The following HMCN1 variants were observed in gnomAD, a reference collection of about 807,000 sequenced individuals.
HMCN1 encodes hemicentin-1.
Under a neutral mutation model 625.9 loss-of-function variants are expected in HMCN1, and 321 were observed. The ratio of observed to expected loss-of-function variants is 0.51; its 90% CI spans 0.47 to 0.56. HMCN1 has a LOEUF of 0.56. Among genes scored for constraint, HMCN1 ranks in the 20% least tolerant of loss-of-function variants. The pLI is 0.00. For missense variants in HMCN1, 6,588 were observed against 6,887.3 expected, an observed-to-expected ratio of 0.96 and a Z score of 1.54; for synonymous variants, 2,425 against 2,417.6, an observed-to-expected ratio of 1.00 and a Z score of -0.09.
At chr1:186,084,129 C>G (rs1299123803) in intron 57 of HMCN1, among the ~76,000 whole-genome samples, 1 of 152,054 alleles carries the variant, frequency 6.6e-6, no homozygotes, top group African/African-American at 2.4e-5. Flanking sequence ...CATATGTTGC[C>G]TTGTGTTATC....
At chr1:185,830,975 G>C (rs1451697363) in intron 1 of HMCN1, among the ~76,000 whole-genome samples, 2 of 152,052 alleles carry the variant, frequency 1.3e-5, no homozygotes, top group African/African-American at 4.8e-5. Flanking sequence ...ACAAAGCCCT[G>C]ATGATTTTAT....
At chr1:186,138,868 A>C (rs568247988) in intron 89 of HMCN1, among the ~76,000 whole-genome samples, 2 of 152,348 alleles carry the variant, frequency 1.3e-5, no homozygotes, top group Admixed American at 6.5e-5. Context: ...GAAAGAAATC[A>C]TGCAAAGTGG....
intron 86 of HMCN1, among the ~76,000 whole-genome samples, chr1:186,132,798 C>A (rs983528187): frequency 2.6e-5 from 4 of 151,992 alleles, no homozygotes; most frequent in Non-Finnish European, 4.4e-5. Flanking sequence ...TACCTCCCCC[C>A]ACCCCCCACA....
intron 1 of HMCN1, among the ~76,000 whole-genome samples, chr1:185,831,627 C>T (rs1293959204): frequency 6.6e-6 from 1 of 151,750 alleles, no homozygotes. Flanking sequence ...GCTGAAAAGT[C>T]TTAGAAACAG....
In HMCN1 at chr1:186,160,125, A is replaced by C. The variant is rs559634813; in HGVS notation, c.15257-4986A>C. On this transcript the variant is annotated intron_variant, in intron 97 of 106. Coordinates refer to ENST00000271588, the MANE Select transcript of HMCN1 (RefSeq NM_031935.3). ...CCTGTTATTGGTCTATTCAGAGTTC[A>C]ACTTCTTCCTGGTTTAGTCTTGGGA... Among the ~76,000 whole-genome samples, 125 of 151,734 alleles carry C rather than the reference A, an allele frequency of 8.2e-4. 2 individuals carry two copies. Among genetic ancestry groups the C allele is most frequent in the African/African-American group, 3.0e-3 (123 of 41,194 alleles).
intron 46 of HMCN1, among the ~76,000 whole-genome samples, chr1:186,061,631 A>T (rs1553285226): frequency 6.6e-6 from 1 of 152,140 alleles, no homozygotes; most frequent in Non-Finnish European, 1.5e-5. Context: ...ACCTAACATT[A>T]TATTTATTTT....
chr1:186,167,069 G>C, intron 100 of HMCN1, 127 bp downstream of exon 100: 1 of 1,198,836 alleles, frequency 8.3e-7, no homozygotes, highest in Middle Eastern at 2.3e-4. Context: ...GAGAGAATGA[G>C]GAGATATCCA....
chr1:185,848,094 A>C (rs758836795), intron 2 of HMCN1, among the ~76,000 whole-genome samples: 1 of 152,220 alleles, frequency 6.6e-6, no homozygotes, highest in Non-Finnish European at 1.5e-5. Flanking sequence ...ATTTTTCTCA[A>C]GTTCTCTTAC....
intron 87 of HMCN1, among the ~76,000 whole-genome samples, chr1:186,137,235 T>C (rs1037837544): frequency 2.6e-5 from 4 of 152,220 alleles, no homozygotes; most frequent in African/African-American, 9.6e-5. Flanking sequence ...GTCCAAAAGG[T>C]GAACAGTTTG....
intron 1 of HMCN1, among the ~76,000 whole-genome samples, chr1:185,838,035 G>C (rs542700184): frequency 3.9e-5 from 6 of 152,322 alleles, no homozygotes; most frequent in Admixed American, 2.0e-4. Flanking sequence ...TGGAGACTGA[G>C]AGGGAGGTCC....
chr1:185,869,024 A>G lies in HMCN1; in HGVS notation c.621+3161A>G, dbSNP rs116365652. ...GAGCTGAGGCTTTATTTATCTATCC[A>G]TCATAGCAATTCTAACCACCTCACC... On this transcript the variant is annotated intron_variant, in intron 4 of 106. Transcript: ENST00000271588. 2.8e-3 allele frequency among the ~76,000 whole-genome samples: 426 copies of G among 152,300 alleles called. 15 individuals carry two copies. The East Asian group carries it at 0.057, about 20-fold the overall frequency.
At chr1:185,847,876 C>T (rs540684928) in intron 2 of HMCN1, among the ~76,000 whole-genome samples, 2 of 151,922 alleles carry the variant, frequency 1.3e-5, no homozygotes, top group African/African-American at 4.8e-5. Context: ...TCACTTGAGC[C>T]CAGGAGTTCG....
intron 105 of HMCN1, among the ~76,000 whole-genome samples, chr1:186,187,648 ATTT>A (rs369524629): frequency 3.9e-5 from 6 of 151,970 alleles, no homozygotes; most frequent in Non-Finnish European, 7.4e-5. Flanking sequence ...TATAGCTCTC[ATTT>A]TTTTTATGTC....
chr1:186,091,228 GATT>G (rs1469995511), intron 64 of HMCN1, among the ~76,000 whole-genome samples: 1 of 151,930 alleles, frequency 6.6e-6, no homozygotes, highest in Non-Finnish European at 1.5e-5. Context: ...ATTTCAGAAT[GATT>G]ATGCTAAAGC....
intron 55 of HMCN1, among the ~76,000 whole-genome samples, chr1:186,078,755 A>G (rs1658980545): frequency 6.6e-6 from 1 of 152,182 alleles, no homozygotes; most frequent in African/African-American, 2.4e-5. Context: ...TCCAGAGCCA[A>G]TCACAGACAG....
rs757638157 is a variant in HMCN1, at chr1:186,144,624, C to T, written c.14187C>T (p.Asp4729=). Reference sequence around the variant, plus strand: ...GACAGAGAACAAGGGGCTGCTCCGACCCTGTGCCCCAGTATGGAGGAAGGA... The same window carrying T: ...GACAGAGAACAAGGGGCTGCTCCGATCCTGTGCCCCAGTATGGAGGAAGGA... ...GARQRTRGCS[D]PVPQYGGRKC... The change falls in exon 91 of 107, where the codon GAC becomes GAT. Residue 4729 remains aspartate, a synonymous_variant. Coordinates refer to ENST00000271588, the MANE Select transcript of HMCN1 (RefSeq NM_031935.3). 5.6e-6 allele frequency: 9 copies of T among 1,614,084 alleles called. No homozygotes were observed. In the South Asian group the frequency reaches 8.8e-5, roughly 16 times the overall value.
In HMCN1 at chr1:185,994,431, C is replaced by A. The variant is rs140490596; in HGVS notation, c.3506-384C>A. On this transcript the variant is annotated intron_variant, in intron 23 of 106. Transcript: ENST00000271588. ...ACATGGAGAGAAATGCTTTTTGTCCCTTATATTATAGAAATTATCTGCATT... is the reference window on the plus strand; with the variant it reads ...ACATGGAGAGAAATGCTTTTTGTCCATTATATTATAGAAATTATCTGCATT... Among the ~76,000 whole-genome samples, 9 of 152,128 alleles carry A rather than the reference C, an allele frequency of 5.9e-5. No homozygotes were observed. The East Asian group carries it at 1.5e-3, about 26-fold the overall frequency.
intron 4 of HMCN1, among the ~76,000 whole-genome samples, chr1:185,889,671 TG>T (rs1682154728): frequency 7.2e-6 from 1 of 138,738 alleles, no homozygotes. Context: ...CACTTGATCA[TG>T]GTGGATAAGC....
At chr1:185,953,107 G>T (rs900210718) in intron 11 of HMCN1, among the ~76,000 whole-genome samples, 1 of 151,322 alleles carries the variant, frequency 6.6e-6, no homozygotes, top group Non-Finnish European at 1.5e-5. Flanking sequence ...CAGAAAAGCG[G>T]GACTTGCCAC....
Sources: allele counts gnomAD v4.1 joint callset (sites outside exome capture counted in the v4.1 genomes callset), GRCh38; gene constraint gnomAD v4.1.1; transcripts MANE v1.5; gene names NCBI Gene and HGNC (gene_info 2026-07-23, HGNC 2026-07-21).